Variants in ALPL observed in about 807,000 individuals in gnomAD.
ALPL encodes alkaline phosphatase, tissue-nonspecific isozyme.
Under a neutral mutation model 51.3 loss-of-function variants are expected in ALPL, and 42 were observed. The ratio of observed to expected loss-of-function variants is 0.82; its 90% CI spans 0.64 to 1.06. ALPL has a LOEUF of 1.06. Among genes scored for constraint, ALPL ranks in the 50% least tolerant of loss-of-function variants. The pLI, the probability that ALPL is intolerant of heterozygous loss-of-function variation, is 0.00. For missense variants in ALPL, 589 were observed against 709.4 expected (o/e 0.83, Z 1.93); for synonymous variants, 279 against 296.4 (o/e 0.94, Z 0.60).
At chr1:21,517,478 T>C (rs1643821873) in intron 1 of ALPL, among the ~76,000 whole-genome samples, 1 of 151,008 alleles carries the variant, frequency 6.6e-6, no homozygotes, top group South Asian at 2.1e-4. Flanking sequence ...TTTCAGTGAG[T>C]GTTTGCAAAT....
intron 1 of ALPL, among the ~76,000 whole-genome samples, chr1:21,518,379 C>A (rs887235882): frequency 6.6e-6 from 1 of 152,136 alleles, no homozygotes; most frequent in Non-Finnish European, 1.5e-5. Context: ...ACATTTAATC[C>A]TTATACCAGC....
At position 21,577,628 on chromosome 1, in the gene ALPL, C is replaced by T. The variant is rs775398905; in HGVS notation, c.1555C>T (p.Pro519Ser). ...CCTGCTGCTCGCGCTGGCCCTCTAC[C>T]CCCTGAGCGTCCTGTTCTGAGGGCC... ...GPLLLALALY[P>S]LSVLF Residue 519 changes from proline to serine, a missense_variant, in exon 12 of 12, where the codon CCC becomes TCC. Pro to Ser is a moderately conservative substitution (Grantham distance 74). Coordinates refer to ENST00000374840, the MANE Select transcript of ALPL (RefSeq NM_000478.6). 1 of 1,598,772 alleles carries T rather than the reference C, an allele frequency of 6.3e-7. No homozygotes were observed.
chr1:21,526,201 GCCAT>G (rs1643939351), intron 1 of ALPL, among the ~76,000 whole-genome samples: 1 of 151,840 alleles, frequency 6.6e-6, no homozygotes, highest in Non-Finnish European at 1.5e-5. Flanking sequence ...GTGCCATAGC[GCCAT>G]CTCGGCTCAC....
At chr1:21,560,096 C>T (rs1014282221) in intron 2 of ALPL, among the ~76,000 whole-genome samples, 5 of 152,222 alleles carry the variant, frequency 3.3e-5, no homozygotes, top group Non-Finnish European at 7.3e-5. Context: ...CTTCGCTTTC[C>T]AGCACTGCTA....
rs1182326113 is a variant in ALPL at position 21,577,709 on chromosome 1, C to A, written c.*61C>A. On this transcript the variant is annotated 3_prime_UTR_variant, in exon 12 of 12. Coordinates refer to ENST00000374840, the MANE Select transcript of ALPL (RefSeq NM_000478.6). ...GATGCCAACTTCCCACACGGCAGCC[C>A]CCCCCTCAAGGGGCAGGGAGGTGGG... 3 of 1,554,318 alleles carry A rather than the reference C, an allele frequency of 1.9e-6. No homozygotes were observed. The highest frequency in any genetic ancestry group is 1.8e-5 in the Admixed American group (1 of 54,452).
At chr1:21,523,094 T>G (rs1184012623) in intron 1 of ALPL, among the ~76,000 whole-genome samples, 2 of 152,124 alleles carry the variant, frequency 1.3e-5, no homozygotes, top group African/African-American at 2.4e-5. Context: ...GAGACCAGCA[T>G]GGCCAACATG....
intron 8 of ALPL, among the ~76,000 whole-genome samples, chr1:21,571,394 CG>C (rs1644644912): frequency 6.6e-6 from 1 of 151,684 alleles, no homozygotes; most frequent in Admixed American, 6.6e-5. Flanking sequence ...AGGTGCAGGC[CG>C]GGTGCAGTGG....
At chr1:21,537,412 T>C (rs56222534) in intron 1 of ALPL, among the ~76,000 whole-genome samples, 15,813 of 152,162 alleles carry the variant, frequency 0.1, 1,121 homozygotes, top group African/African-American at 0.2. Flanking sequence ...CCTCACTTTG[T>C]GGAGCGGGCA....
chr1:21,529,921 A>C (rs764273057), intron 1 of ALPL, among the ~76,000 whole-genome samples: 1 of 151,918 alleles, frequency 6.6e-6, no homozygotes, highest in Non-Finnish European at 1.5e-5. Context: ...ATAGTTGTGC[A>C]CCACCACGGC....
chr1:21,564,086 C>T lies in ALPL; in HGVS notation c.518C>T (p.Thr173Ile). 2 of 1,614,010 alleles carry T rather than the reference C, an allele frequency of 1.2e-6. No individual in the cohort carries two copies. Among genetic ancestry groups the T allele is most frequent in the Non-Finnish European group, 1.7e-6 (2 of 1,180,002 alleles). The change falls in exon 6 of 12, where the codon ACC becomes ATC. Residue 173 changes from threonine (T) to isoleucine (I), a missense_variant. By Grantham distance (89) the Thr-to-Ile change is moderately conservative. Coordinates refer to ENST00000374840, the MANE Select transcript of ALPL (RefSeq NM_000478.6). The surrounding 1 kb of genome is among the most constrained non-coding windows in gnomAD (Gnocchi z 5.8). ...IVTTTRVNHA[T>I]PSAAYAHSAD... ...ACCACCACGAGAGTGAACCATGCCA[C>T]CCCCAGCGCCGCCTACGCCCACTCG...
intron 1 of ALPL, among the ~76,000 whole-genome samples, chr1:21,511,422 T>C (rs555875182): frequency 2.6e-5 from 4 of 152,324 alleles, no homozygotes; most frequent in African/African-American, 4.8e-5. Context: ...CTAGATATGA[T>C]GAATGCTTGC....
At chr1:21,575,047 G>T (rs1006959196) in intron 9 of ALPL, among the ~76,000 whole-genome samples, 2 of 152,204 alleles carry the variant, frequency 1.3e-5, no homozygotes, top group African/African-American at 2.4e-5. Flanking sequence ...GGTGGGAAGC[G>T]GGGGCGGAGG....
At chr1:21,521,879 C>T (rs929269805) in intron 1 of ALPL, among the ~76,000 whole-genome samples, 5 of 152,154 alleles carry the variant, frequency 3.3e-5, no homozygotes, top group African/African-American at 1.2e-4. Context: ...GCTGAATCTG[C>T]ATGTACCATG....
chr1:21,568,636 G>A (rs1024329642), intron 7 of ALPL, among the ~76,000 whole-genome samples: 1 of 152,050 alleles, frequency 6.6e-6, no homozygotes, highest in Non-Finnish European at 1.5e-5. Context: ...CAGGCGCCCT[G>A]GGGGGACAGA....
intron 2 of ALPL, among the ~76,000 whole-genome samples, chr1:21,556,086 T>C (rs757815437): frequency 2.0e-5 from 3 of 152,178 alleles, no homozygotes; most frequent in African/African-American, 7.2e-5. Context: ...TTTTTTGTTT[T>C]TCTGTTGGAG....
intron 1 of ALPL, among the ~76,000 whole-genome samples, chr1:21,521,166 C>A (rs1235271875): frequency 6.6e-6 from 1 of 152,128 alleles, no homozygotes; most frequent in Non-Finnish European, 1.5e-5. Context: ...TAATAAGATG[C>A]CTGCTTTCAG....
chr1:21,527,549 C>CT lies in ALPL; in HGVS notation c.-105+18049dup, dbSNP rs560294555. On this transcript the variant is annotated intron_variant, in intron 1 of 11. Transcript: ENST00000374840. ...TGCTGTAACTTTTATTAGCCTTTAA[C>CT]TTTTTTTTTTTTTTTTTGAGGTGGA... 7.0e-3 allele frequency among the ~76,000 whole-genome samples: 972 copies of CT among 138,238 alleles called. 12 individuals are homozygous for CT. Among genetic ancestry groups the CT allele is most frequent in the African/African-American group, 0.019 (702 of 37,734 alleles). The allele number at this position is 138,238 out of a possible 152,430, so 90.7% of individuals were successfully genotyped here.
chr1:21,541,688 G>A (rs914024889), intron 1 of ALPL, among the ~76,000 whole-genome samples: 1 of 152,174 alleles, frequency 6.6e-6, no homozygotes, highest in South Asian at 2.1e-4. Flanking sequence ...GGGAGGAGCC[G>A]AAACTGCTGT....
chr1:21,532,899 G>A (rs1180599864), intron 1 of ALPL, among the ~76,000 whole-genome samples: 3 of 152,214 alleles, frequency 2.0e-5, no homozygotes, highest in African/African-American at 7.2e-5. Context: ...CTAATTGGCT[G>A]TGTGACTTTG....
Sources: gnomAD v4.1 joint callset for allele counts (sites outside exome capture counted in the v4.1 genomes callset) on GRCh38, gnomAD v4.1.1 for gene constraint, Gnocchi (gnomAD v3.1) non-coding constraint, MANE v1.5 for transcripts, NCBI Gene and HGNC (gene_info 2026-07-23, HGNC 2026-07-21) for gene names.